NRG3: variants seen among roughly 807,000 people sequenced by gnomAD.
NRG3 encodes pro-neuregulin-3, membrane-bound isoform.
A neutral mutation model predicts 66.9 loss-of-function variants in NRG3; 31 were observed. That is an observed-to-expected ratio of 0.46 (90% CI 0.35 to 0.63). NRG3 has a LOEUF of 0.63. Ranked by LOEUF, NRG3 falls within the 20% of genes least tolerant of loss-of-function variation. The pLI is 0.00. For missense variants in NRG3, 910 were observed against 878.9 expected (o/e 1.04, Z -0.45); for synonymous variants, 393 against 359.4 (o/e 1.09, Z -1.06).
At chr10:82,388,118 C>G (rs2086124636) in intron 2 of NRG3, among the ~76,000 whole-genome samples, 1 of 152,092 alleles carries the variant, frequency 6.6e-6, no homozygotes, top group Non-Finnish European at 1.5e-5. Flanking sequence ...TTCCACAACA[C>G]AATTACTCAT....
At chr10:82,946,909 G>T (rs1849084887) in intron 4 of NRG3, among the ~76,000 whole-genome samples, 1 of 151,996 alleles carries the variant, frequency 6.6e-6, no homozygotes, top group African/African-American at 2.4e-5. Context: ...CATATTCTTT[G>T]CATATTCTTT....
intron 2 of NRG3, among the ~76,000 whole-genome samples, chr10:82,446,019 C>T (rs1294258109): frequency 6.6e-6 from 1 of 152,220 alleles, no homozygotes; most frequent in Non-Finnish European, 1.5e-5. Flanking sequence ...CCTAAGACCA[C>T]ACCCTCACTT....
At chr10:82,011,425 A>G (rs1589773299) in intron 1 of NRG3, among the ~76,000 whole-genome samples, 2 of 152,262 alleles carry the variant, frequency 1.3e-5, no homozygotes, top group South Asian at 4.1e-4. Context: ...AGCCAACCAT[A>G]TCATTCCACC....
At chr10:82,068,115 A>G (rs1053209641) in intron 1 of NRG3, among the ~76,000 whole-genome samples, 2 of 152,192 alleles carry the variant, frequency 1.3e-5, no homozygotes, top group African/African-American at 4.8e-5. Flanking sequence ...TATAGTTTAT[A>G]AATACTGGGA....
chr10:82,265,427 G>C (rs532090378), intron 1 of NRG3, among the ~76,000 whole-genome samples: 77 of 152,320 alleles, frequency 5.1e-4, no homozygotes, highest in African/African-American at 1.8e-3. Flanking sequence ...GCACTGTAAT[G>C]TATTATAGTC....
At chr10:82,306,853 A>G (rs566963622) in intron 1 of NRG3, among the ~76,000 whole-genome samples, 2 of 150,466 alleles carry the variant, frequency 1.3e-5, no homozygotes, top group South Asian at 4.2e-4. Context: ...ATCTTCCCTT[A>G]GTGAGTTTTG....
intron 2 of NRG3, among the ~76,000 whole-genome samples, chr10:82,547,475 A>C (rs1320895890): frequency 1.4e-5 from 2 of 147,998 alleles, no homozygotes; most frequent in Non-Finnish European, 3.0e-5. Context: ...ATATATGTAT[A>C]TATATTCCAG....
At chr10:82,140,339 A>G (rs547668243) in intron 1 of NRG3, among the ~76,000 whole-genome samples, 38 of 152,286 alleles carry the variant, frequency 2.5e-4, no homozygotes, top group Non-Finnish European at 4.7e-4. Context: ...ACTCCAGGGC[A>G]GAGGATCCAT....
At chr10:82,941,124 C>T (rs1848543817) in intron 4 of NRG3, among the ~76,000 whole-genome samples, 1 of 151,946 alleles carries the variant, frequency 6.6e-6, no homozygotes, top group Non-Finnish European at 1.5e-5. Context: ...GACTGGAGGC[C>T]CCCCACCCCC....
chr10:82,642,269 T>TA (rs1481151820), intron 2 of NRG3, among the ~76,000 whole-genome samples: 1 of 149,552 alleles, frequency 6.7e-6, no homozygotes, highest in Non-Finnish European at 1.5e-5. Context: ...TAGATGGAGT[T>TA]TTTTTTTTTA....
chr10:82,336,384 C>T (rs1390841398), intron 1 of NRG3, among the ~76,000 whole-genome samples: 1 of 152,124 alleles, frequency 6.6e-6, no homozygotes, highest in Non-Finnish European at 1.5e-5. Flanking sequence ...TCATGGCTTC[C>T]ACCATCAGAG....
At chr10:81,959,490 T>C (rs1850151041) in intron 1 of NRG3, among the ~76,000 whole-genome samples, 1 of 152,204 alleles carries the variant, frequency 6.6e-6, no homozygotes. Context: ...CTATATTTGC[T>C]GGATTGCTTA....
At position 82,192,717 on chromosome 10, in the gene NRG3, AG is replaced by A; in HGVS notation, c.824-166021del. On this transcript the variant is annotated intron_variant, in intron 1 of 8. Coordinates refer to ENST00000372141, the MANE Select transcript of NRG3 (RefSeq NM_001010848.4). ...TGAGCACTGATTATTTACCTGCAGG[AG>A]ATATGTAGTGAACAAGAGAGGCATG... Among the ~76,000 whole-genome samples the A allele has an allele frequency of 2.0e-5, 3 of 152,304 alleles. No homozygotes were observed. The Middle Eastern group carries it at 0.01, about 518-fold the overall frequency.
intron 1 of NRG3, among the ~76,000 whole-genome samples, chr10:82,106,340 C>G (rs4140410): frequency 0.7 from 105,947 of 152,010 alleles, 37,102 homozygotes; most frequent in Middle Eastern, 0.77. Flanking sequence ...AAGTTAGACC[C>G]AGGAGGGTTC....
intron 1 of NRG3, among the ~76,000 whole-genome samples, chr10:82,203,488 T>G (rs75099680): frequency 0.027 from 4,108 of 152,240 alleles, 90 homozygotes; most frequent in Non-Finnish European, 0.04. Context: ...TCACTGTCTT[T>G]TAAGAGGCTT....
intron 2 of NRG3, among the ~76,000 whole-genome samples, chr10:82,708,221 C>G (rs2056441307): frequency 6.6e-6 from 1 of 151,974 alleles, no homozygotes; most frequent in Non-Finnish European, 1.5e-5. Context: ...CTCCTTCTGT[C>G]CTAAGTGTTT....
intron 1 of NRG3, among the ~76,000 whole-genome samples, chr10:82,310,745 G>T (rs564423062): frequency 2.0e-5 from 3 of 152,166 alleles, no homozygotes; most frequent in African/African-American, 7.2e-5. Context: ...TAGAGAGATA[G>T]TTGTTCATTC....
intron 2 of NRG3, among the ~76,000 whole-genome samples, chr10:82,696,790 C>T (rs1460850984): frequency 6.6e-6 from 1 of 152,146 alleles, no homozygotes; most frequent in African/African-American, 2.4e-5. Flanking sequence ...AATGAGCAAG[C>T]AGAGAGATAT....
intron 2 of NRG3, among the ~76,000 whole-genome samples, chr10:82,452,528 A>G (rs1442452919): frequency 6.6e-6 from 1 of 152,228 alleles, no homozygotes; most frequent in Non-Finnish European, 1.5e-5. Flanking sequence ...TATAATATCC[A>G]TGTGAGAATC....
Sources: allele counts gnomAD v4.1 joint callset (sites outside exome capture counted in the v4.1 genomes callset), GRCh38; gene constraint gnomAD v4.1.1; transcripts MANE v1.5; gene names NCBI Gene and HGNC (gene_info 2026-07-23, HGNC 2026-07-21).